The following DBF4B variants were observed in gnomAD, a reference collection of about 807,000 sequenced individuals.
DBF4B encodes protein DBF4 homolog B.
DBF4B carries 49 observed loss-of-function variants against 53.4 expected under a neutral mutation model. The ratio of observed to expected loss-of-function variants is 0.92; its 90% CI spans 0.73 to 1.16. The LOEUF (loss-of-function observed/expected upper bound fraction) is 1.16. Ranked by LOEUF, DBF4B falls within the 50% of genes most tolerant of loss-of-function variation. The probability of loss-of-function intolerance (pLI) is 0.00; values close to 1 mark genes in which losing one functional copy is unlikely to be tolerated. For synonymous variants in DBF4B, 257 were observed against 288.7 expected (o/e 0.89, Z 1.11); for missense variants, 692 against 775.0 (o/e 0.89, Z 1.27).
rs1027224185 is a variant in DBF4B at position 44,741,008 on chromosome 17, G to A, written c.714-328G>A. On this transcript the variant is annotated intron_variant, in intron 9 of 13. Coordinates refer to ENST00000315005, the MANE Select transcript of DBF4B (RefSeq NM_145663.3). ...AAATTAGCCGGCCATGGTGGCGGAC[G>A]CCTGTAGTCCCAGCTACTCGGGAGG... Among the ~76,000 whole-genome samples the A allele has an allele frequency of 2.6e-5, 4 of 152,166 alleles. No individual in the cohort carries two copies. In the East Asian group the frequency reaches 5.8e-4, roughly 22 times the overall value.
chr17:44,730,862 G>C (rs950907670), intron 4 of DBF4B, 103 bp from the exon 5 acceptor site: 54 of 1,195,610 alleles, frequency 4.5e-5, no homozygotes, highest in Non-Finnish European at 6.4e-5. Context: ...GCTTTCCGAG[G>C]GACATAACCC....
intron 7 of DBF4B, among the ~76,000 whole-genome samples, chr17:44,735,585 G>A (rs750644036): frequency 6.6e-6 from 1 of 151,934 alleles, no homozygotes; most frequent in African/African-American, 2.4e-5. Flanking sequence ...CAGGAGAATC[G>A]CTTGAACCCT....
intron 2 of DBF4B, among the ~76,000 whole-genome samples, chr17:44,712,496 G>A (rs1972973395): frequency 6.6e-6 from 1 of 151,488 alleles, no homozygotes; most frequent in Admixed American, 6.6e-5. Flanking sequence ...AGTAGAGATG[G>A]GGTTTCACTG....
In DBF4B at chr17:44,749,400, C is replaced by T. The variant is rs552932013; in HGVS notation, c.1189+935C>T. 12 of 1,289,454 alleles carry T rather than the reference C, an allele frequency of 9.3e-6. No individual in the cohort carries two copies. The highest frequency in any genetic ancestry group is 1.2e-5 in the Non-Finnish European group (12 of 988,864). The allele number at this position is 1,289,454 out of a possible 1,614,324, so 79.9% of individuals were successfully genotyped here. On this transcript the variant is annotated intron_variant, in intron 13 of 13. Coordinates refer to ENST00000315005, the MANE Select transcript of DBF4B (RefSeq NM_145663.3). The surrounding 1 kb of genome is among the most constrained non-coding windows in gnomAD (Gnocchi z 4.4). Reference sequence around the variant, plus strand: ...CAACTTACTCCTCTGCTGGGTGCTGCACACCCGGCCAGGGCTGACCAGGAC... The same window carrying T: ...CAACTTACTCCTCTGCTGGGTGCTGTACACCCGGCCAGGGCTGACCAGGAC...
In DBF4B at chr17:44,736,857, A is replaced by G; in HGVS notation, c.658A>G (p.Thr220Ala). ...AACATGTCCAGCAGCAGAGTCAAGAACACGGAAAGGTCAGTGTGGTAGCTT... is the reference window on the plus strand; with the variant it reads ...AACATGTCCAGCAGCAGAGTCAAGAGCACGGAAAGGTCAGTGTGGTAGCTT... ...EGTCPAAESRTRKVARLKAPF... is the reference protein window; with the variant it reads ...EGTCPAAESRARKVARLKAPF... Residue 220 changes from threonine to alanine, a missense_variant, in exon 8 of 14, where the codon ACA becomes GCA. Thr to Ala is a moderately conservative substitution (Grantham distance 58, BLOSUM62 0). Around this residue, in one of 3 missense-constraint regions of DBF4B, gnomAD observed 597 missense variants for 665.8 expected, o/e 0.90. Coordinates refer to ENST00000315005, the MANE Select transcript of DBF4B (RefSeq NM_145663.3). 6.2e-7 allele frequency: 1 copy of G among 1,614,040 alleles called. No individual in the cohort carries two copies. The highest frequency in any genetic ancestry group is 8.5e-7 in the Non-Finnish European group (1 of 1,179,970).
At position 44,751,795 on chromosome 17, in the gene DBF4B, T is replaced by C; in HGVS notation, c.*542T>C. The C allele has an allele frequency of 6.6e-7, 1 of 1,522,994 alleles. No homozygotes were observed. The highest frequency in any genetic ancestry group is 2.5e-5 in the East Asian group (1 of 40,412). 94.3% of individuals were successfully genotyped at this position (1,522,994 alleles called of 1,614,324 possible). A position where few individuals can be genotyped will look rare whatever the true frequency, so the allele number is the denominator to read the frequency against. ...ATCTATTCCAAGGTCATGGACAGGC[T>C]ACTGGTGACCAAAGTTGGTTCCTTT... On this transcript the variant is annotated 3_prime_UTR_variant, in exon 14 of 14. Transcript: ENST00000315005.
At chr17:44,722,801 T>G in intron 2 of DBF4B, 79 bp from the exon 3 acceptor site, 2 of 1,519,676 alleles carry the variant, frequency 1.3e-6, no homozygotes, top group Non-Finnish European at 1.8e-6. Context: ...GCACACAGAC[T>G]GAGCTGTCAG....
At chr17:44,720,202 C>A in intron 2 of DBF4B, 1 of 363,530 alleles carries the variant, frequency 2.8e-6, no homozygotes, top group African/African-American at 2.2e-5. Flanking sequence ...CACATGCTGA[C>A]TGAAGGGTTT....
chr17:44,744,515 T>G (rs781403444), intron 10 of DBF4B, among the ~76,000 whole-genome samples: 3 of 152,224 alleles, frequency 2.0e-5, no homozygotes, highest in Non-Finnish European at 2.9e-5. Context: ...CTGTTATTCA[T>G]GGATGCTTAG....
rs184344009 is a variant in DBF4B, at chr17:44,749,903, C to T, written c.1190-692C>T. The T allele has an allele frequency of 1.8e-4, 183 of 1,037,918 alleles. 1 individual carries two copies. In the East Asian group the frequency reaches 0.013, roughly 72 times the overall value. 64.3% of individuals were successfully genotyped at this position (1,037,918 alleles called of 1,614,324 possible). A position where few individuals can be genotyped will look rare whatever the true frequency, so the allele number is the denominator to read the frequency against. On this transcript the variant is annotated intron_variant, in intron 13 of 13. Transcript: ENST00000315005. This position sits in a 1 kb window ranked among gnomAD's most constrained non-coding sequence, Gnocchi z 4.4. ...CCCCTCCCCCAGCCCCCCACGCTCC[C>T]GCACACAGATCCTCAGGAACATATG...
chr17:44,712,034 T>C (rs1423546001), intron 2 of DBF4B, among the ~76,000 whole-genome samples: 1 of 148,658 alleles, frequency 6.7e-6, no homozygotes, highest in African/African-American at 2.5e-5. Flanking sequence ...GAGGTGGAGG[T>C]TGCAGTGAGC....
chr17:44,734,002 C>T, intron 6 of DBF4B, 88 bp from the exon 7 acceptor site: 2 of 1,100,930 alleles, frequency 1.8e-6, no homozygotes, highest in Non-Finnish European at 2.8e-6. Context: ...GCTGGCCCAG[C>T]GAGTTTAGTC....
rs1950475186 is a variant in DBF4B, at chr17:44,708,793, A to G, written c.-28A>G. 1.9e-6 allele frequency: 3 copies of G among 1,550,774 alleles called. No homozygotes were observed. The highest frequency in any genetic ancestry group is 2.7e-5 in the African/African-American group (2 of 72,998). ...ATACGGAGGCCTCTGAGGAAGGAGT[A>G]CGGAGGCCGAGAAGGAGCCGGCATT... On this transcript the variant is annotated 5_prime_UTR_variant, in exon 1 of 14. Coordinates refer to ENST00000315005, the MANE Select transcript of DBF4B (RefSeq NM_145663.3).
chr17:44,742,409 C>CAAA (rs1248602974), intron 10 of DBF4B, among the ~76,000 whole-genome samples: 6 of 52,058 alleles, frequency 1.2e-4, no homozygotes, highest in African/African-American at 6.8e-5. Context: ...GACTCCTTCT[C>CAAA]AAAAAAAAAA....
At chr17:44,712,540 G>C (rs1325568434) in intron 2 of DBF4B, among the ~76,000 whole-genome samples, 1 of 151,808 alleles carries the variant, frequency 6.6e-6, no homozygotes, top group Non-Finnish European at 1.5e-5. Flanking sequence ...TCCTGGTCTC[G>C]TGATCCACCC....
At chr17:44,723,354 C>G (rs542898249) in intron 3 of DBF4B, among the ~76,000 whole-genome samples, 93 of 152,286 alleles carry the variant, frequency 6.1e-4, no homozygotes, top group African/African-American at 2.2e-3. Context: ...ATCTGCCAAC[C>G]TCGGCTTCCC....
intron 2 of DBF4B, among the ~76,000 whole-genome samples, chr17:44,710,001 A>G (rs60221055): frequency 0.053 from 8,013 of 151,642 alleles, 692 homozygotes; most frequent in African/African-American, 0.18. Flanking sequence ...GTGAAACCCC[A>G]TCTCTACTAA....
At chr17:44,715,105 ATAT>A (rs1973214520) in intron 2 of DBF4B, among the ~76,000 whole-genome samples, 1 of 151,950 alleles carries the variant, frequency 6.6e-6, no homozygotes, top group Non-Finnish European at 1.5e-5. Context: ...TATTTCTATA[ATAT>A]TTCTCCCTTC....
In DBF4B at chr17:44,751,550, C is replaced by T; in HGVS notation, c.*297C>T. The T allele has an allele frequency of 2.2e-6, 3 of 1,337,680 alleles. No homozygotes were observed. Among genetic ancestry groups the T allele is most frequent in the Non-Finnish European group, 2.9e-6 (3 of 1,046,106 alleles). 82.9% of individuals were successfully genotyped at this position (1,337,680 alleles called of 1,614,324 possible). A position where few individuals can be genotyped will look rare whatever the true frequency, so the allele number is the denominator to read the frequency against. On this transcript the variant is annotated 3_prime_UTR_variant, in exon 14 of 14. Coordinates refer to ENST00000315005, the MANE Select transcript of DBF4B (RefSeq NM_145663.3). Reference sequence around the variant, plus strand: ...CTCGCCAACCACTCTTGTTGGTTTCCTTCTCAGACTTGCCACCTTTCCCCT... The same window carrying T: ...CTCGCCAACCACTCTTGTTGGTTTCTTTCTCAGACTTGCCACCTTTCCCCT...
Sources: gnomAD v4.1 joint callset for allele counts (sites outside exome capture counted in the v4.1 genomes callset) on GRCh38, gnomAD v4.1.1 for gene constraint, gnomAD v4.1.1 regional missense constraint, Gnocchi (gnomAD v3.1) non-coding constraint, MANE v1.5 for transcripts, NCBI Gene and HGNC (gene_info 2026-07-23, HGNC 2026-07-21) for gene names.